The following ALK variants were observed in gnomAD, a reference collection of about 807,000 sequenced individuals.
The protein encoded by ALK is ALK tyrosine kinase receptor.
A neutral mutation model predicts 163.1 loss-of-function variants in ALK; 74 were observed. The observed-to-expected ratio is 0.45, with a 90% CI of 0.38 to 0.55. ALK has a LOEUF of 0.55. ALK is among the 20% of genes least tolerant of loss of function. The pLI is 0.00. For synonymous variants in ALK, 960 were observed against 843.2 expected (o/e 1.14, Z -2.40); for missense variants, 2,063 against 2,105.3 (o/e 0.98, Z 0.39).
intron 2 of ALK, among the ~76,000 whole-genome samples, chr2:29,717,123 G>C (rs1679282340): frequency 6.9e-6 from 1 of 144,482 alleles, no homozygotes; most frequent in African/African-American, 2.6e-5. Flanking sequence ...AGTGGGCCGA[G>C]ATCGTGCCAC....
intron 9 of ALK, among the ~76,000 whole-genome samples, chr2:29,276,998 A>T (rs566323490): frequency 1.3e-4 from 20 of 152,196 alleles, no homozygotes; most frequent in Non-Finnish European, 1.6e-4. Context: ...TTACAGTCTG[A>T]TAAAGGTGTT....
chr2:29,667,499 A>C (rs1189172942), intron 3 of ALK, among the ~76,000 whole-genome samples: 1 of 150,900 alleles, frequency 6.6e-6, no homozygotes, highest in African/African-American at 2.4e-5. Context: ...TTCTATCTCC[A>C]CTTTGATGAG....
intron 5 of ALK, among the ~76,000 whole-genome samples, chr2:29,354,041 T>C (rs930115440): frequency 6.6e-6 from 1 of 152,218 alleles, no homozygotes; most frequent in Non-Finnish European, 1.5e-5. Flanking sequence ...CTCAAACACC[T>C]GAGACCAGCC....
At chr2:29,429,046 T>C (rs1670211964) in intron 4 of ALK, among the ~76,000 whole-genome samples, 1 of 151,934 alleles carries the variant, frequency 6.6e-6, no homozygotes, top group Admixed American at 6.6e-5. Context: ...TTCAACAAAC[T>C]TGAACACCGT....
intron 1 of ALK, among the ~76,000 whole-genome samples, chr2:29,757,548 A>G (rs977673304): frequency 1.2e-4 from 18 of 152,212 alleles, no homozygotes; most frequent in Middle Eastern, 3.4e-3. Flanking sequence ...ATTTTTTCAT[A>G]TAAGTATATC....
At chr2:29,256,137 C>T (rs1342186335) in intron 11 of ALK, among the ~76,000 whole-genome samples, 1 of 152,156 alleles carries the variant, frequency 6.6e-6, no homozygotes, top group African/African-American at 2.4e-5. Context: ...GGTCTAAAAC[C>T]AGAGAGGCAA....
rs182370353 is a variant in ALK at position 29,821,713 on chromosome 2, T to G, written c.667+98280A>C. 1.7e-3 allele frequency among the ~76,000 whole-genome samples: 255 copies of G among 152,304 alleles called. 1 individual carries two copies. Among genetic ancestry groups the G allele is most frequent in the Non-Finnish European group, 2.0e-3 (137 of 68,030 alleles). Reference sequence around the variant, plus strand: ...GGCATTAAGAGGAAGACCTCTGGAATGCATTTCACCAATTGAATTGTCCTG... The same window carrying G: ...GGCATTAAGAGGAAGACCTCTGGAAGGCATTTCACCAATTGAATTGTCCTG... On this transcript the variant is annotated intron_variant, in intron 1 of 28. Coordinates refer to ENST00000389048, the MANE Select transcript of ALK (RefSeq NM_004304.5).
chr2:29,445,956 G>A (rs1479529325), intron 4 of ALK, among the ~76,000 whole-genome samples: 15 of 150,190 alleles, frequency 1.0e-4, no homozygotes, highest in African/African-American at 1.7e-4. Context: ...AAAATTAGCC[G>A]GGCGTAGTGG....
chr2:29,711,081 C>A (rs185868602), intron 2 of ALK, among the ~76,000 whole-genome samples: 1 of 152,148 alleles, frequency 6.6e-6, no homozygotes, highest in African/African-American at 2.4e-5. Context: ...AATAGGAAAC[C>A]AAGTGGTGCT....
At chr2:29,410,269 C>T (rs1027023549) in intron 4 of ALK, among the ~76,000 whole-genome samples, 1 of 152,010 alleles carries the variant, frequency 6.6e-6, no homozygotes, top group African/African-American at 2.4e-5. Context: ...GAGATAGATG[C>T]ATATGTGATT....
At chr2:29,668,823 C>A (rs1449886653) in intron 3 of ALK, among the ~76,000 whole-genome samples, 1 of 152,050 alleles carries the variant, frequency 6.6e-6, no homozygotes, top group Non-Finnish European at 1.5e-5. Flanking sequence ...CTGCGGAGAC[C>A]TCACAATCAT....
At position 29,736,707 on chromosome 2, in the gene ALK, A is replaced by AT. The variant is rs566866698; in HGVS notation, c.668-19011dup. ...TTGGCAAATATTTATAGAATGAGTG[A>AT]TTTTATCTTGCTGAACACTTTTAAA... is the stretch of plus-strand genomic sequence containing the variant. On this transcript the variant is annotated intron_variant, in intron 1 of 28. Coordinates refer to ENST00000389048, the MANE Select transcript of ALK (RefSeq NM_004304.5). Among the ~76,000 whole-genome samples, 42 of 152,168 alleles carry AT rather than the reference A, an allele frequency of 2.8e-4. 1 individual carries two copies. The East Asian group carries it at 7.7e-3, about 28-fold the overall frequency.
chr2:29,387,380 C>T (rs1367826300), intron 4 of ALK, among the ~76,000 whole-genome samples: 1 of 152,196 alleles, frequency 6.6e-6, no homozygotes, highest in East Asian at 1.9e-4. Context: ...TTGCAGAGTG[C>T]CTATATTATA....
rs1387171837 is a variant in ALK, at chr2:29,684,545, AC to A, written c.952+10304del. On this transcript the variant is annotated intron_variant, in intron 3 of 28. Transcript: ENST00000389048. Reference sequence around the variant, plus strand: ...TTAGGCTGTGGCTGCCTTGGACAGCACTCCTCAACCTGGCCATCTGCAAAGA... The same window carrying A: ...TTAGGCTGTGGCTGCCTTGGACAGCATCCTCAACCTGGCCATCTGCAAAGA... Among the ~76,000 whole-genome samples, 5 of 152,166 alleles carry A rather than the reference AC, an allele frequency of 3.3e-5. No homozygotes were observed. The East Asian group carries it at 7.7e-4, about 23-fold the overall frequency.
Position 29,908,452 on chromosome 2 carries a change from G to A in ALK, c.667+11541C>T, listed in dbSNP as rs115417380. 8.9e-3 allele frequency among the ~76,000 whole-genome samples: 1,353 copies of A among 152,198 alleles called. 9 individuals are homozygous for A. The highest frequency in any genetic ancestry group is 0.015 in the Non-Finnish European group (987 of 68,018). ...AGATCCTTTGTCCTTCTCTTTTGAAGTAAAAAGCTGCACTCTCTCCAAGAC... is the reference window on the plus strand; with the variant it reads ...AGATCCTTTGTCCTTCTCTTTTGAAATAAAAAGCTGCACTCTCTCCAAGAC... On this transcript the variant is annotated intron_variant, in intron 1 of 28. Transcript: ENST00000389048.
intron 1 of ALK, among the ~76,000 whole-genome samples, chr2:29,902,194 A>G (rs1667431978): frequency 6.6e-6 from 1 of 152,166 alleles, no homozygotes; most frequent in African/African-American, 2.4e-5. Context: ...TCGGCTCCCC[A>G]GGTGCAAATT....
chr2:29,702,380 G>C (rs1678768672), intron 2 of ALK, among the ~76,000 whole-genome samples: 1 of 152,190 alleles, frequency 6.6e-6, no homozygotes, highest in South Asian at 2.1e-4. Context: ...CAAAGCTGGG[G>C]GCAGGACAGG....
At chr2:29,771,180 T>C (rs1267241209) in intron 1 of ALK, among the ~76,000 whole-genome samples, 3 of 151,620 alleles carry the variant, frequency 2.0e-5, no homozygotes, top group African/African-American at 7.3e-5. Context: ...CACACATATA[T>C]GCACACGTAC....
intron 5 of ALK, among the ~76,000 whole-genome samples, chr2:29,378,594 G>A (rs1668814651): frequency 6.6e-6 from 1 of 152,190 alleles, no homozygotes; most frequent in Admixed American, 6.5e-5. Flanking sequence ...GATTGAATGA[G>A]TTAATATATG....
Sources: allele counts gnomAD v4.1 joint callset (sites outside exome capture counted in the v4.1 genomes callset), GRCh38; gene constraint gnomAD v4.1.1; transcripts MANE v1.5; gene names NCBI Gene and HGNC (gene_info 2026-07-23, HGNC 2026-07-21).